The following FTSJ3 variants were observed in gnomAD, a reference collection of about 807,000 sequenced individuals.
FTSJ3 encodes FtsJ RNA 2'-O-methyltransferase 3.
Under a neutral mutation model 111.5 loss-of-function variants are expected in FTSJ3, and 46 were observed. The observed-to-expected ratio is 0.41, with a 90% CI of 0.33 to 0.53. The LOEUF (loss-of-function observed/expected upper bound fraction) is 0.53, where lower values mean the gene tolerates loss of function less well. Ranked by LOEUF, FTSJ3 falls within the 20% of genes least tolerant of loss-of-function variation. The pLI, the probability that FTSJ3 is intolerant of heterozygous loss-of-function variation, is 0.19. For missense variants in FTSJ3, 1,075 were observed against 1,063.8 expected, an observed-to-expected ratio of 1.01 and a Z score of -0.15; for synonymous variants, 408 against 383.0, an observed-to-expected ratio of 1.07 and a Z score of -0.76.
chr17:63,823,762 A>C (rs2040071486), intron 13 of FTSJ3, 55 bp downstream of exon 13: 10 of 1,579,890 alleles, frequency 6.3e-6, no homozygotes, highest in Non-Finnish European at 8.6e-6. Context: ...CCCACCTCCA[A>C]ACACCCAAAC....
rs775919495 is a variant in FTSJ3 at position 63,824,264 on chromosome 17, G to C, written c.999-25C>G. ...GCTGGCAAAACAGTCCCAAGAGTTG[G>C]GTTATTTTCCCAGACTTTTCCCCTG... On this transcript the variant is annotated intron_variant, in intron 11 of 20. Transcript: ENST00000427159. 4.3e-6 allele frequency: 7 copies of C among 1,614,084 alleles called. No homozygotes were observed. The South Asian group carries it at 6.6e-5, about 15-fold the overall frequency.
chr17:63,827,642 G>A lies in FTSJ3; in HGVS notation c.-617C>T. 6.6e-7 allele frequency: 1 copy of A among 1,518,164 alleles called. No homozygotes were observed. Among genetic ancestry groups the A allele is most frequent in the Non-Finnish European group, 8.9e-7 (1 of 1,129,344 alleles). 94.0% of individuals were successfully genotyped at this position (1,518,164 alleles called of 1,614,324 possible). ...GAGGTGCCTGGACCAGTCCATGCTG[G>A]ACGCTGCCTGCGACCGGATCTGCTG... is the stretch of plus-strand genomic sequence containing the variant. On this transcript the variant is annotated 5_prime_UTR_variant, in exon 1 of 21. Coordinates refer to ENST00000427159, the MANE Select transcript of FTSJ3 (RefSeq NM_017647.4).
At chr17:63,825,489 G>A (rs369474985) in intron 6 of FTSJ3, 47 bp downstream of exon 6, 105 of 1,610,324 alleles carry the variant, frequency 6.5e-5, no homozygotes, top group East Asian at 2.5e-4. Flanking sequence ...GAGGGCATGC[G>A]CCCACCTCCA....
At position 63,827,550 on chromosome 17, in the gene FTSJ3, G is replaced by A. The variant is rs1297997302; in HGVS notation, c.-525C>T. 2 of 1,551,582 alleles carry A rather than the reference G, an allele frequency of 1.3e-6. No individual in the cohort carries two copies. Among genetic ancestry groups the A allele is most frequent in the Non-Finnish European group, 1.7e-6 (2 of 1,146,964 alleles). On this transcript the variant is annotated 5_prime_UTR_variant, in exon 1 of 21. Coordinates refer to ENST00000427159, the MANE Select transcript of FTSJ3 (RefSeq NM_017647.4). ...TGCAGTGGCGGCCCGGCAGGTTACG[G>A]GGCTGGGTGCGGAGCGAGCGTGATC... is the stretch of plus-strand genomic sequence containing the variant.
chr17:63,826,829 G>T lies in FTSJ3; in HGVS notation c.67+7C>A, dbSNP rs545467657. The T allele has an allele frequency of 6.2e-7, 1 of 1,613,658 alleles. No individual in the cohort carries two copies. The highest frequency in any genetic ancestry group is 2.2e-5 in the East Asian group (1 of 44,886). ...CTCGCTCGCAGACTGAGCGAATCCG[G>T]ACTCACCCGTCTCCTTCGCCAAGTG... On this transcript the variant is annotated splice_region_variant and intron_variant, in intron 2 of 20. Transcript: ENST00000427159.
intron 3 of FTSJ3, 30 bp downstream of exon 3, chr17:63,826,537 C>A (rs906710709): frequency 5.1e-6 from 8 of 1,569,398 alleles, no homozygotes; most frequent in Non-Finnish European, 5.3e-6. Context: ...AAGCGGCCAC[C>A]AGGAGCAACC....
At position 63,823,908 on chromosome 17, in the gene FTSJ3, C is replaced by T. The variant is rs370870170; in HGVS notation, c.1199G>A (p.Arg400His). ...AGGCAGATCCATCTTCAGCTCCACA[C>T]GCTCCCGCTGCTTTCTCTGCTCACG... ...LLREQRKQRE[R>H]VELKMDLPGV... Residue 400 changes from arginine to histidine, a missense_variant, in exon 13 of 21, where the codon CGT becomes CAT. Physicochemically the swap from Arg to His is conservative, Grantham distance 29 (BLOSUM62 0). This residue lies in a region of FTSJ3 where 867 missense variants were observed against 796.9 expected (regional missense o/e 1.09). Coordinates refer to ENST00000427159, the MANE Select transcript of FTSJ3 (RefSeq NM_017647.4). 29 of 1,614,206 alleles carry T rather than the reference C, an allele frequency of 1.8e-5. No homozygotes were observed. The African/African-American group carries it at 2.1e-4, about 12-fold the overall frequency.
intron 5 of FTSJ3, 22 bp downstream of exon 5, chr17:63,826,034 G>T: frequency 6.4e-7 from 1 of 1,566,276 alleles, no homozygotes; most frequent in Non-Finnish European, 8.8e-7. Context: ...AAAGGGGGAA[G>T]GAAGAGAGAG....
At chr17:63,825,839 C>T (rs1177515483) in intron 5 of FTSJ3, 2 of 628,916 alleles carry the variant, frequency 3.2e-6, no homozygotes, top group African/African-American at 1.8e-5. Context: ...GAAGACTTCA[C>T]TAAAGATCTC....
chr17:63,821,760 A>G lies in FTSJ3; in HGVS notation c.1559T>C (p.Val520Ala). The change falls in exon 15 of 21, where the codon GTA becomes GCA. Residue 520 changes from valine (V) to alanine (A), a missense_variant. Physicochemically the swap from Val to Ala is moderately conservative, Grantham distance 64 (BLOSUM62 0). This residue lies in a region of FTSJ3 where 867 missense variants were observed against 796.9 expected (regional missense o/e 1.09). Transcript: ENST00000427159. ...CAGGTTGGCTTGTTCTTCCTGCAGT[A>G]CTGCCTTTTCCTCCAGTGGTACCAG... ...PLLVPLEEKA[V>A]LQEEQANLWF... is the part of the protein sequence containing the mutation. 1 of 1,614,100 alleles carries G rather than the reference A, an allele frequency of 6.2e-7. No individual in the cohort carries two copies. Among genetic ancestry groups the G allele is most frequent in the Non-Finnish European group, 8.5e-7 (1 of 1,180,006 alleles).
Position 63,827,094 on chromosome 17 carries a change from T to G in FTSJ3, c.-69A>C. ...TTCTCCACACTTGGAACCGCACAAG[T>G]ATGCAGCTAACTACTTCCGCTTCCG... On this transcript the variant is annotated 5_prime_UTR_variant, in exon 1 of 21. Coordinates refer to ENST00000427159, the MANE Select transcript of FTSJ3 (RefSeq NM_017647.4). The G allele has an allele frequency of 1.8e-6, 1 of 554,398 alleles. No individual in the cohort carries two copies. The allele number at this position is 554,398 out of a possible 1,614,324, so 34.3% of individuals were successfully genotyped here.
At position 63,819,909 on chromosome 17, in the gene FTSJ3, G is replaced by A. The variant is rs376996404; in HGVS notation, c.2437C>T (p.Arg813Trp). 32 of 1,614,058 alleles carry A rather than the reference G, an allele frequency of 2.0e-5. No individual in the cohort carries two copies. Among genetic ancestry groups the A allele is most frequent in the East Asian group, 1.8e-4 (8 of 44,892 alleles). Residue 813 changes from arginine (R) to tryptophan (W), a missense_variant, in exon 21 of 21, where the codon CGG becomes TGG. Physicochemically the swap from Arg to Trp is moderately radical, Grantham distance 101 (BLOSUM62 -3). Around this residue, in one of 2 missense-constraint regions of FTSJ3, gnomAD observed 867 missense variants for 796.9 expected, o/e 1.09. Coordinates refer to ENST00000427159, the MANE Select transcript of FTSJ3 (RefSeq NM_017647.4). ...AKKGVGRKVRRPAGVRGHFKV... is the reference protein window; with the variant it reads ...AKKGVGRKVRWPAGVRGHFKV... ...AAATGACCTCTGACTCCAGCTGGCC[G>A]GCGCACTTTGCGGCCCACACCTTTT...
intron 16 of FTSJ3, 44 bp downstream of exon 16, chr17:63,821,310 C>T (rs2144603591): frequency 1.3e-6 from 2 of 1,571,066 alleles, no homozygotes; most frequent in Non-Finnish European, 1.7e-6. Flanking sequence ...ATGGTTCAAG[C>T]CACCGCTTCC....
chr17:63,825,139 T>G lies in FTSJ3; in HGVS notation c.620A>C (p.Asp207Ala). The G allele has an allele frequency of 6.2e-7, 1 of 1,614,164 alleles. No individual in the cohort carries two copies. Among genetic ancestry groups the G allele is most frequent in the South Asian group, 1.1e-5 (1 of 91,078 alleles). ...AAATTTGGGGTCAAAGAATTTACTG[T>G]CAACCTTGTCAGGGGCCAGGAATCC... Reference protein sequence around the residue: ...CQGFLAPDKVDSKFFDPKFAF... With the variant: ...CQGFLAPDKVASKFFDPKFAF... Residue 207 changes from aspartate (D) to alanine (A), a missense_variant, in exon 8 of 21, where the codon GAC becomes GCC. Coordinates refer to ENST00000427159, the MANE Select transcript of FTSJ3 (RefSeq NM_017647.4).
intron 16 of FTSJ3, 107 bp downstream of exon 16, chr17:63,821,247 A>G (rs1294934948): frequency 6.6e-7 from 1 of 1,506,340 alleles, no homozygotes; most frequent in Non-Finnish European, 9.1e-7. Context: ...TCAGTACAGT[A>G]TTTTTAACCC....
chr17:63,827,467 G>T lies in FTSJ3; in HGVS notation c.-442C>A, dbSNP rs551848839. On this transcript the variant is annotated 5_prime_UTR_variant, in exon 1 of 21. Coordinates refer to ENST00000427159, the MANE Select transcript of FTSJ3 (RefSeq NM_017647.4). ...TGCGCGCCAAGACGGCTCGGATGCC[G>T]GCGGTCTCTGCTGAAGAGAGAAGAT... 2 of 1,551,596 alleles carry T rather than the reference G, an allele frequency of 1.3e-6. No homozygotes were observed. The highest frequency in any genetic ancestry group is 2.7e-5 in the African/African-American group (2 of 73,062).
intron 12 of FTSJ3, 50 bp from the exon 13 acceptor site, chr17:63,824,002 A>T: frequency 1.2e-6 from 2 of 1,613,732 alleles, no homozygotes; most frequent in Non-Finnish European, 1.7e-6. Context: ...CAAAGTTTCT[A>T]TCCATGCCTT....
chr17:63,825,530 C>T lies in FTSJ3; in HGVS notation c.400+6G>A, dbSNP rs748198183. 4 of 1,613,964 alleles carry T rather than the reference C, an allele frequency of 2.5e-6. No homozygotes were observed. In the East Asian group the frequency reaches 6.7e-5, roughly 27 times the overall value. On this transcript the variant is annotated splice_donor_region_variant and intron_variant, in intron 6 of 20. Transcript: ENST00000427159. ...ACCTGATCTCCAAGCACCACACTCCCTGTACCTTGTGAGTAAGCATCATGG... is the reference window on the plus strand; with the variant it reads ...ACCTGATCTCCAAGCACCACACTCCTTGTACCTTGTGAGTAAGCATCATGG...
chr17:63,827,001 GTTTCCCACTTC>G, intron 1 of FTSJ3, 40 bp downstream of exon 1: 1 of 985,218 alleles, frequency 1.0e-6, no homozygotes, highest in Non-Finnish European at 1.6e-6. Context: ...CCCACTTCCA[GTTTCCCACTTC>G]CCGCAGCAAT....
Sources: gnomAD v4.1 joint callset for allele counts on GRCh38, gnomAD v4.1.1 for gene constraint, gnomAD v4.1.1 regional missense constraint, MANE v1.5 for transcripts, NCBI Gene and HGNC (gene_info 2026-07-23, HGNC 2026-07-21) for gene names.